LOXL2: variants seen among roughly 807,000 people sequenced by gnomAD.
LOXL2 encodes the protein lysyl oxidase like 2, also known as lysyl oxidase homolog 2.
Under a neutral mutation model 93.0 loss-of-function variants are expected in LOXL2, and 70 were observed. The observed-to-expected ratio is 0.75, with a 90% CI of 0.62 to 0.92. The LOEUF is 0.92. Among genes scored for constraint, LOXL2 ranks in the 40% least tolerant of loss-of-function variants. The probability of loss-of-function intolerance (pLI) is 0.00; values close to 1 mark genes in which losing one functional copy is unlikely to be tolerated. For missense variants in LOXL2, 973 were observed against 1,054.9 expected, an observed-to-expected ratio of 0.92 and a Z score of 1.08; for synonymous variants, 438 against 413.2, an observed-to-expected ratio of 1.06 and a Z score of -0.73.
At chr8:23,358,987 A>G (rs968759174) in intron 3 of LOXL2, among the ~76,000 whole-genome samples, 5 of 151,732 alleles carry the variant, frequency 3.3e-5, no homozygotes, top group African/African-American at 9.7e-5. Context: ...GACTACAGGC[A>G]CCCACAACAA....
chr8:23,300,320 T>G (rs1037373210), intron 12 of LOXL2, among the ~76,000 whole-genome samples: 1 of 152,224 alleles, frequency 6.6e-6, no homozygotes, highest in Non-Finnish European at 1.5e-5. Flanking sequence ...GAAGTGGCTT[T>G]AGGTTTCTGT....
At chr8:23,335,136 G>A (rs1316107868) in intron 4 of LOXL2, among the ~76,000 whole-genome samples, 2 of 152,146 alleles carry the variant, frequency 1.3e-5, no homozygotes, top group Non-Finnish European at 2.9e-5. Flanking sequence ...TTTGGAGGTA[G>A]TATCCAAATT....
intron 3 of LOXL2, among the ~76,000 whole-genome samples, chr8:23,348,018 A>G (rs1407167683): frequency 6.6e-6 from 1 of 152,176 alleles, no homozygotes; most frequent in Non-Finnish European, 1.5e-5. Flanking sequence ...AACTTAAAGT[A>G]TAATTAAAAA....
chr8:23,355,512 C>CTTTTTT lies in LOXL2; in HGVS notation c.531+4572_531+4577dup, dbSNP rs58824822. On this transcript the variant is annotated intron_variant, in intron 3 of 13. Transcript: ENST00000389131. ...CTATCTGTAAAGCAGTTGACATTCA[C>CTTTTTT]TTTTTTTTTTTTTTTTTTTTTTTTT... Among the ~76,000 whole-genome samples the CTTTTTT allele has an allele frequency of 1.5e-4, 12 of 80,320 alleles. 1 individual carries two copies. Among genetic ancestry groups the CTTTTTT allele is most frequent in the Non-Finnish European group, 2.5e-4 (11 of 44,366 alleles). The allele number at this position is 80,320 out of a possible 152,430, so 52.7% of individuals were successfully genotyped here.
chr8:23,333,383 C>T lies in LOXL2; in HGVS notation c.966+18G>A, dbSNP rs199603822. ...CCCTCCAGGTGCCAAGTGGCCACAC[C>T]TCGTGCCCCGTCCTCACCTCTGGCT... is the stretch of plus-strand genomic sequence containing the variant. On this transcript the variant is annotated intron_variant, in intron 5 of 13. Transcript: ENST00000389131. 1.1e-3 allele frequency: 1,822 copies of T among 1,611,590 alleles called. 7 individuals carry two copies. The highest frequency in any genetic ancestry group is 9.8e-4 in the Non-Finnish European group (1,152 of 1,178,160).
intron 7 of LOXL2, among the ~76,000 whole-genome samples, chr8:23,321,320 A>G (rs1382813101): frequency 1.3e-5 from 1 of 75,026 alleles, no homozygotes; most frequent in Non-Finnish European, 3.5e-5. Context: ...GGACAGAGAG[A>G]AGGGTTTGAC....
rs373588687 is a variant in LOXL2, at chr8:23,389,317, C to T, written c.-84+14637G>A. On this transcript the variant is annotated intron_variant, in intron 1 of 13. Coordinates refer to ENST00000389131, the MANE Select transcript of LOXL2 (RefSeq NM_002318.3). Reference sequence around the variant, plus strand: ...TCCAGTATCAAGATTTTTATTGAAGCTACTGAAATTTTTTTCTTCCTCCAA... The same window carrying T: ...TCCAGTATCAAGATTTTTATTGAAGTTACTGAAATTTTTTTCTTCCTCCAA... Among the ~76,000 whole-genome samples the T allele has an allele frequency of 6.6e-5, 10 of 152,252 alleles. No individual in the cohort carries two copies. The East Asian group carries it at 1.7e-3, about 26-fold the overall frequency.
At chr8:23,401,684 C>T (rs904538144) in intron 1 of LOXL2, among the ~76,000 whole-genome samples, 1 of 152,204 alleles carries the variant, frequency 6.6e-6, no homozygotes, top group Non-Finnish European at 1.5e-5. Flanking sequence ...TCAACACCTT[C>T]GCTGATGGTC....
At chr8:23,346,172 AT>A (rs1803979092) in intron 3 of LOXL2, among the ~76,000 whole-genome samples, 1 of 137,746 alleles carries the variant, frequency 7.3e-6, no homozygotes, top group African/African-American at 2.8e-5. Flanking sequence ...ATAAAATAAA[AT>A]AAATAAAATA....
At chr8:23,333,805 C>T (rs1329019891) in intron 4 of LOXL2, among the ~76,000 whole-genome samples, 182 bp from the exon 5 acceptor site, 1 of 152,224 alleles carries the variant, frequency 6.6e-6, no homozygotes, top group Non-Finnish European at 1.5e-5. Context: ...GCCTGCACCA[C>T]ACTAGGCACT....
chr8:23,332,289 AC>A (rs1450204569), intron 5 of LOXL2, among the ~76,000 whole-genome samples: 1 of 80,388 alleles, frequency 1.2e-5, no homozygotes, highest in Non-Finnish European at 2.3e-5. Context: ...ACCCACACAG[AC>A]CCCCACACAC....
intron 9 of LOXL2, chr8:23,316,588 G>A: frequency 4.5e-6 from 1 of 223,554 alleles, no homozygotes; most frequent in Non-Finnish European, 8.6e-6. Flanking sequence ...TACAGAGGAG[G>A]TGGAGGGAGG....
At chr8:23,311,166 C>T (rs552369952) in intron 9 of LOXL2, among the ~76,000 whole-genome samples, 1 of 152,230 alleles carries the variant, frequency 6.6e-6, no homozygotes, top group Admixed American at 6.5e-5. Flanking sequence ...CCCCCTCCCC[C>T]TCCAGGCTTA....
At chr8:23,309,597 T>C (rs1258581418) in intron 10 of LOXL2, 71 bp downstream of exon 10, 4 of 1,340,556 alleles carry the variant, frequency 3.0e-6, no homozygotes, top group East Asian at 6.1e-5. Context: ...CTGGCAACTC[T>C]CAACTCCCAT....
intron 7 of LOXL2, among the ~76,000 whole-genome samples, chr8:23,320,272 C>G (rs1350291173): frequency 1.3e-5 from 2 of 152,194 alleles, no homozygotes; most frequent in African/African-American, 4.8e-5. Context: ...GCTGGGGAGG[C>G]CCTGTGACTC....
intron 4 of LOXL2, among the ~76,000 whole-genome samples, chr8:23,335,663 C>T: frequency 6.6e-6 from 1 of 152,072 alleles, no homozygotes; most frequent in East Asian, 1.9e-4. Flanking sequence ...CTTGTCCCTG[C>T]ACGGCAGGAC....
intron 1 of LOXL2, among the ~76,000 whole-genome samples, chr8:23,374,997 G>C (rs1366003344): frequency 2.0e-5 from 3 of 152,212 alleles, no homozygotes; most frequent in Non-Finnish European, 2.9e-5. Context: ...TGCTTTTGGA[G>C]TTTTAGACAT....
chr8:23,376,881 A>G (rs1804603625), intron 1 of LOXL2, among the ~76,000 whole-genome samples: 1 of 152,058 alleles, frequency 6.6e-6, no homozygotes, highest in Non-Finnish European at 1.5e-5. Context: ...TGATCTTTTC[A>G]AAAAACCAGC....
At chr8:23,388,845 G>T (rs915053366) in intron 1 of LOXL2, among the ~76,000 whole-genome samples, 1 of 152,112 alleles carries the variant, frequency 6.6e-6, no homozygotes, top group Non-Finnish European at 1.5e-5. Context: ...AGCAGGGCTT[G>T]TATCAGCCAG....
Sources: allele counts gnomAD v4.1 joint callset (sites outside exome capture counted in the v4.1 genomes callset), GRCh38; gene constraint gnomAD v4.1.1; transcripts MANE v1.5; gene names NCBI Gene and HGNC (gene_info 2026-07-23, HGNC 2026-07-21).